The following SAMMSON variants were observed in gnomAD, a reference collection of about 807,000 sequenced individuals.
The protein encoded by SAMMSON is long intergenic non-protein coding RNA 1212.
chr3:70,233,344 G>A (rs191333162), intron 4 of SAMMSON, among the ~76,000 whole-genome samples: 81 of 152,278 alleles, frequency 5.3e-4, no homozygotes, highest in Middle Eastern at 3.4e-3. Context: ...AGATTTCAGC[G>A]TGGAATAATG....
intron 3 of SAMMSON, among the ~76,000 whole-genome samples, chr3:70,063,974 C>T (rs767323468): frequency 2.0e-5 from 3 of 152,090 alleles, no homozygotes; most frequent in Non-Finnish European, 2.9e-5. Context: ...TCAGATCTCA[C>T]CTCCTAATTC....
intron 4 of SAMMSON, among the ~76,000 whole-genome samples, chr3:70,096,247 C>A (rs1301316257): frequency 6.6e-6 from 1 of 152,142 alleles, no homozygotes; most frequent in Admixed American, 6.5e-5. Flanking sequence ...TCTAAGCTAG[C>A]AAGTTAGACA....
At chr3:70,231,592 G>A (rs903251338) in intron 4 of SAMMSON, among the ~76,000 whole-genome samples, 68 of 152,274 alleles carry the variant, frequency 4.5e-4, no homozygotes, top group Middle Eastern at 3.4e-3. Context: ...TGGAGAACAG[G>A]CTGGGGTGTC....
intron 4 of SAMMSON, among the ~76,000 whole-genome samples, chr3:70,091,438 G>A (rs2067304538): frequency 6.6e-6 from 1 of 152,182 alleles, no homozygotes; most frequent in Admixed American, 6.5e-5. Flanking sequence ...GGGACTATCT[G>A]GGCACATCTG....
chr3:70,243,433 C>T (rs181064665), intron 4 of SAMMSON, among the ~76,000 whole-genome samples: 70 of 152,284 alleles, frequency 4.6e-4, no homozygotes, highest in Admixed American at 1.4e-3. Context: ...AGCTGCACTG[C>T]TCTCTTTCTT....
chr3:70,173,785 A>G (rs1700981309), intron 4 of SAMMSON, among the ~76,000 whole-genome samples: 1 of 151,966 alleles, frequency 6.6e-6, no homozygotes. Flanking sequence ...AGAGAATAAA[A>G]CAGTACTAGC....
At chr3:70,255,880 G>A (rs1701810684) in intron 6 of SAMMSON, among the ~76,000 whole-genome samples, 1 of 152,120 alleles carries the variant, frequency 6.6e-6, no homozygotes, top group Admixed American at 6.6e-5. Context: ...TCTTGTTTAG[G>A]TGCAAACTGT....
At chr3:70,224,206 A>T (rs904685897) in intron 4 of SAMMSON, among the ~76,000 whole-genome samples, 1 of 152,154 alleles carries the variant, frequency 6.6e-6, no homozygotes, top group African/African-American at 2.4e-5. Flanking sequence ...TTTTCTTCTC[A>T]GTTTATAAGT....
At chr3:70,001,055 C>T (rs1259503948) in intron 1 of SAMMSON, among the ~76,000 whole-genome samples, 1 of 151,898 alleles carries the variant, frequency 6.6e-6, no homozygotes. Flanking sequence ...CCCTTTTCTG[C>T]TTGGCTCTCT....
At chr3:70,109,585 C>T (rs565449926) in intron 4 of SAMMSON, among the ~76,000 whole-genome samples, 1 of 152,254 alleles carries the variant, frequency 6.6e-6, no homozygotes, top group African/African-American at 2.4e-5. Flanking sequence ...GACTCTACCT[C>T]GTATGAGTAT....
intron 7 of SAMMSON, among the ~76,000 whole-genome samples, chr3:70,342,105 A>G (rs1336254741): frequency 6.6e-6 from 1 of 152,224 alleles, no homozygotes; most frequent in African/African-American, 2.4e-5. Flanking sequence ...GTCTGAATAT[A>G]GCTTTTAATA....
intron 7 of SAMMSON, among the ~76,000 whole-genome samples, chr3:70,331,820 G>T (rs1702623784): frequency 1.3e-5 from 2 of 152,186 alleles, no homozygotes; most frequent in Admixed American, 1.3e-4. Context: ...GTCATATTCA[G>T]ATAATGGCAC....
At chr3:70,392,335 G>T (rs189497374), downstream of SAMMSON, among the ~76,000 whole-genome samples, 360 of 152,220 alleles carry the variant, frequency 2.4e-3, 1 homozygote, top group Non-Finnish European at 4.0e-3. Context: ...GCTCACAGAG[G>T]TTATGTAACT....
intron 7 of SAMMSON, among the ~76,000 whole-genome samples, chr3:70,329,035 G>T (rs1163586544): frequency 6.6e-6 from 1 of 152,036 alleles, no homozygotes; most frequent in Non-Finnish European, 1.5e-5. Flanking sequence ...TTTAAATATT[G>T]AAAGAAAAGA....
At chr3:70,426,709 C>T (rs1467388525) in intron 2 of SAMMSON, among the ~76,000 whole-genome samples, 1 of 152,148 alleles carries the variant, frequency 6.6e-6, no homozygotes, top group Non-Finnish European at 1.5e-5. Context: ...ATTCCCAAAC[C>T]AACACTGTCA....
chr3:70,166,018 G>C (rs1339882300), intron 4 of SAMMSON, among the ~76,000 whole-genome samples: 2 of 151,964 alleles, frequency 1.3e-5, no homozygotes, highest in African/African-American at 2.4e-5. Context: ...AAGATATGTA[G>C]ACTGAATTAA....
At chr3:70,378,268 A>C (rs2106750173) in intron 9 of SAMMSON, among the ~76,000 whole-genome samples, 1 of 152,158 alleles carries the variant, frequency 6.6e-6, no homozygotes, top group Admixed American at 6.5e-5. Flanking sequence ...ATATCACACC[A>C]CTAATAAAAA....
intron 7 of SAMMSON, among the ~76,000 whole-genome samples, chr3:70,317,361 C>T (rs1702502202): frequency 6.6e-6 from 1 of 151,894 alleles, no homozygotes; most frequent in East Asian, 1.9e-4. Flanking sequence ...ATGTTCACTT[C>T]AGGTGTCAGT....
chr3:70,406,909 C>A (rs188571984), intron 2 of SAMMSON, among the ~76,000 whole-genome samples: 19 of 152,266 alleles, frequency 1.2e-4, no homozygotes, highest in African/African-American at 4.1e-4. Context: ...TGTTTTCGTG[C>A]TGCTGATAAA....
Sources: gnomAD v4.1 joint callset for allele counts (sites outside exome capture counted in the v4.1 genomes callset) on GRCh38, gnomAD v4.1.1 for gene constraint, MANE v1.5 for transcripts, NCBI Gene and HGNC (gene_info 2026-07-23, HGNC 2026-07-21) for gene names.